Variants in PLCL1 observed in about 807,000 individuals in gnomAD.
The protein encoded by PLCL1 is inactive phospholipase C-like protein 1.
A neutral mutation model predicts 84.4 loss-of-function variants in PLCL1; 41 were observed. The ratio of observed to expected loss-of-function variants is 0.49; its 90% CI spans 0.38 to 0.63. The LOEUF is 0.63. Ranked by LOEUF, PLCL1 falls within the 30% of genes least tolerant of loss-of-function variation. The probability of loss-of-function intolerance (pLI) is 0.00; values close to 1 mark genes in which losing one functional copy is unlikely to be tolerated. For missense variants in PLCL1, 1,206 were observed against 1,367.8 expected, an observed-to-expected ratio of 0.88 and a Z score of 1.87; for synonymous variants, 490 against 488.3, an observed-to-expected ratio of 1.00 and a Z score of -0.05.
At position 197,945,420 on chromosome 2, in the gene PLCL1, C is replaced by T. The variant is rs76811162; in HGVS notation, c.241-138338C>T. ...GATGAGGGCATGCTTATTCAGTTTT[C>T]AGATTAGAAACACAGAATTAGAAAT... is the stretch of plus-strand genomic sequence containing the variant. On this transcript the variant is annotated intron_variant, in intron 1 of 5. Transcript: ENST00000428675. 8.5e-5 allele frequency among the ~76,000 whole-genome samples: 13 copies of T among 152,278 alleles called. No homozygotes were observed. The East Asian group carries it at 2.5e-3, about 29-fold the overall frequency.
chr2:197,876,205 G>A (rs1687729410), intron 1 of PLCL1, among the ~76,000 whole-genome samples: 1 of 152,180 alleles, frequency 6.6e-6, no homozygotes, highest in Admixed American at 6.5e-5. Flanking sequence ...GCAGGAGATG[G>A]AGCTAGGAAT....
At chr2:198,055,325 C>CTG (rs1209058995) in intron 1 of PLCL1, among the ~76,000 whole-genome samples, 10 of 109,002 alleles carry the variant, frequency 9.2e-5, no homozygotes, top group South Asian at 3.1e-4. Flanking sequence ...CTCTCTCTCT[C>CTG]TCTCTGTGTG....
chr2:197,919,704 A>C (rs564145666), intron 1 of PLCL1, among the ~76,000 whole-genome samples: 1 of 152,322 alleles, frequency 6.6e-6, no homozygotes, highest in South Asian at 2.1e-4. Context: ...GGGCTGGTAC[A>C]AGGTTTGCTA....
chr2:198,008,702 C>G (rs1435682124), intron 1 of PLCL1, among the ~76,000 whole-genome samples: 2 of 151,898 alleles, frequency 1.3e-5, no homozygotes, highest in African/African-American at 2.4e-5. Flanking sequence ...TTTCTGAATT[C>G]TTTTGGATAT....
At chr2:197,941,841 C>A (rs1407902525) in intron 1 of PLCL1, among the ~76,000 whole-genome samples, 1 of 152,012 alleles carries the variant, frequency 6.6e-6, no homozygotes, top group African/African-American at 2.4e-5. Flanking sequence ...TTATTCATAT[C>A]TTGGGGATCC....
intron 1 of PLCL1, among the ~76,000 whole-genome samples, chr2:197,828,683 G>T (rs1443665321): frequency 6.6e-6 from 1 of 152,106 alleles, no homozygotes; most frequent in Non-Finnish European, 1.5e-5. Context: ...TGATTGCTGA[G>T]ATCAATTTTA....
At chr2:197,939,166 C>G (rs933603806) in intron 1 of PLCL1, among the ~76,000 whole-genome samples, 6 of 152,016 alleles carry the variant, frequency 3.9e-5, no homozygotes, top group Admixed American at 1.3e-4. Flanking sequence ...TGATTACATC[C>G]ATTTAATAGT....
At chr2:197,914,488 C>A (rs1347633599) in intron 1 of PLCL1, among the ~76,000 whole-genome samples, 2 of 152,066 alleles carry the variant, frequency 1.3e-5, no homozygotes, top group Non-Finnish European at 1.5e-5. Context: ...CGCCACCACA[C>A]CCAGCTAGTT....
At chr2:198,090,151 G>A (rs1692986594) in intron 3 of PLCL1, among the ~76,000 whole-genome samples, 1 of 152,062 alleles carries the variant, frequency 6.6e-6, no homozygotes, top group Admixed American at 6.5e-5. Context: ...GATTAGCTAA[G>A]TGAAATATAA....
chr2:197,968,198 C>A (rs1027681103), intron 1 of PLCL1, among the ~76,000 whole-genome samples: 1 of 152,132 alleles, frequency 6.6e-6, no homozygotes, highest in African/African-American at 2.4e-5. Context: ...AAAAATTAAG[C>A]TGTTTTCTGT....
chr2:197,853,094 C>T (rs1356963847), intron 1 of PLCL1, among the ~76,000 whole-genome samples: 1 of 152,046 alleles, frequency 6.6e-6, no homozygotes, highest in Non-Finnish European at 1.5e-5. Context: ...TTTTATGTAC[C>T]TCATATAAAT....
chr2:198,092,174 T>C (rs1338757017), intron 3 of PLCL1, among the ~76,000 whole-genome samples: 2 of 151,438 alleles, frequency 1.3e-5, no homozygotes, highest in African/African-American at 2.4e-5. Context: ...CCCATTTGCC[T>C]CTCCCAACCT....
chr2:197,975,138 A>G (rs1296783564), intron 1 of PLCL1, among the ~76,000 whole-genome samples: 2 of 117,880 alleles, frequency 1.7e-5, no homozygotes, highest in African/African-American at 6.9e-5. Context: ...ACAGAGCGAG[A>G]CTCCATCTCA....
intron 1 of PLCL1, among the ~76,000 whole-genome samples, chr2:198,026,383 A>G (rs1182664215): frequency 6.6e-6 from 1 of 152,164 alleles, no homozygotes; most frequent in African/African-American, 2.4e-5. Flanking sequence ...TTAATGGTTA[A>G]GTTTCTTATA....
chr2:197,998,607 G>C (rs1255127194), intron 1 of PLCL1, among the ~76,000 whole-genome samples: 1 of 152,196 alleles, frequency 6.6e-6, no homozygotes, highest in East Asian at 1.9e-4. Context: ...TGATGACGCT[G>C]CATCAGAAAA....
At chr2:198,048,104 TGAGTA>T (rs1452335286) in intron 1 of PLCL1, among the ~76,000 whole-genome samples, 4 of 152,242 alleles carry the variant, frequency 2.6e-5, no homozygotes, top group African/African-American at 9.6e-5. Flanking sequence ...GTTTCTGTTC[TGAGTA>T]AAGTATGAAG....
chr2:198,050,913 T>C (rs1277668812), intron 1 of PLCL1, among the ~76,000 whole-genome samples: 1 of 152,240 alleles, frequency 6.6e-6, no homozygotes, highest in African/African-American at 2.4e-5. Context: ...TCGTGAGCTG[T>C]GTTTGATTTT....
At chr2:197,888,151 T>TC (rs1559035860) in intron 1 of PLCL1, among the ~76,000 whole-genome samples, 1 of 152,058 alleles carries the variant, frequency 6.6e-6, no homozygotes, top group African/African-American at 2.4e-5. Context: ...TTGAGCATTT[T>TC]CCCCCCAAGT....
At chr2:198,006,300 G>A (rs1458485708) in intron 1 of PLCL1, among the ~76,000 whole-genome samples, 1 of 152,152 alleles carries the variant, frequency 6.6e-6, no homozygotes, top group Admixed American at 6.5e-5. Context: ...ATGTGTATGT[G>A]TGTGGGCATG....
Sources: allele counts gnomAD v4.1 joint callset (sites outside exome capture counted in the v4.1 genomes callset), GRCh38; gene constraint gnomAD v4.1.1; transcripts MANE v1.5; gene names NCBI Gene and HGNC (gene_info 2026-07-23, HGNC 2026-07-21).